Variants in BCL7C observed in about 807,000 individuals in gnomAD.
The protein encoded by BCL7C is BAF chromatin remodeling complex subunit BCL7C.
BCL7C carries 8 observed loss-of-function variants against 26.2 expected under a neutral mutation model. That is an observed-to-expected ratio of 0.30 (90% CI 0.18 to 0.55). The LOEUF is 0.55. Among genes scored for constraint, BCL7C ranks in the 20% least tolerant of loss-of-function variants. BCL7C has a pLI of 0.93. For synonymous variants in BCL7C, 90 were observed against 116.5 expected (o/e 0.77, Z 1.47); for missense variants, 262 against 298.5 (o/e 0.88, Z 0.90).
chr16:30,863,344 G>C (rs182952168), intron 5 of BCL7C, among the ~76,000 whole-genome samples: 1 of 152,144 alleles, frequency 6.6e-6, no homozygotes, highest in African/African-American at 2.4e-5. Context: ...TCTTGCAAGG[G>C]GACTATGCAT....
At chr16:30,869,085 C>A (rs561809634) in intron 5 of BCL7C, among the ~76,000 whole-genome samples, 1 of 151,758 alleles carries the variant, frequency 6.6e-6, no homozygotes, top group Non-Finnish European at 1.5e-5. Context: ...TGTGAGTCGA[C>A]AGTTATGGGA....
At chr16:30,879,907 G>A (rs1208395513) in intron 5 of BCL7C, among the ~76,000 whole-genome samples, 3 of 151,242 alleles carry the variant, frequency 2.0e-5, no homozygotes, top group Non-Finnish European at 2.9e-5. Context: ...GGAGAATTGC[G>A]TGAACCCGGG....
chr16:30,883,922 G>A (rs182331716), downstream of BCL7C, among the ~76,000 whole-genome samples: 124 of 145,062 alleles, frequency 8.5e-4, 5 homozygotes, highest in African/African-American at 2.8e-3. Flanking sequence ...TCAGGAGATC[G>A]AGACCATCCT....
intron 5 of BCL7C, among the ~76,000 whole-genome samples, chr16:30,844,283 G>A (rs959048930): frequency 2.7e-5 from 4 of 146,984 alleles, no homozygotes; most frequent in African/African-American, 1.0e-4. Context: ...CCAGGGGGCA[G>A]GGGTTGCAGT....
intron 5 of BCL7C, chr16:30,851,473 C>G (rs2054674018): frequency 4.6e-6 from 1 of 218,646 alleles, no homozygotes; most frequent in Non-Finnish European, 9.1e-6. Flanking sequence ...CTCCTGACCT[C>G]AAGTGATCCG....
rs560869895 is a variant in BCL7C, at chr16:30,838,875, C to T, written c.529-3727G>A. Among the ~76,000 whole-genome samples, 20 of 152,342 alleles carry T rather than the reference C, an allele frequency of 1.3e-4. No homozygotes were observed. In the East Asian group the frequency reaches 3.9e-3, roughly 29 times the overall value. ...TCTGGGTATTAATAATGCATTATAG[C>T]ATTTTCAGGAAGTTATAGCCATTTT... is the stretch of plus-strand genomic sequence containing the variant. On this transcript the variant is annotated intron_variant, in intron 5 of 5. Coordinates refer to the BCL7C transcript ENST00000380317.
At chr16:30,851,886 C>A in intron 5 of BCL7C, 1 of 224,354 alleles carries the variant, frequency 4.5e-6, no homozygotes, top group South Asian at 1.1e-4. Context: ...AGAAATGGTT[C>A]GTTGTTGTTG....
chr16:30,844,023 C>A (rs547723490), intron 5 of BCL7C, among the ~76,000 whole-genome samples: 1 of 103,468 alleles, frequency 9.7e-6, no homozygotes, highest in South Asian at 3.5e-4. Flanking sequence ...GCTTTGGCGA[C>A]AAAGCGAGAC....
chr16:30,858,820 G>A (rs765148337), intron 5 of BCL7C, among the ~76,000 whole-genome samples: 10 of 152,128 alleles, frequency 6.6e-5, no homozygotes, highest in Non-Finnish European at 1.5e-4. Flanking sequence ...TGAGTCTGAA[G>A]AGTAAAATGA....
chr16:30,889,512 C>CAA (rs1448494062), intron 4 of BCL7C, among the ~76,000 whole-genome samples: 1 of 152,070 alleles, frequency 6.6e-6, no homozygotes, highest in African/African-American at 2.4e-5. Flanking sequence ...GTTTTTGAGA[C>CAA]AGAGTCTCGC....
downstream of BCL7C, among the ~76,000 whole-genome samples, chr16:30,884,991 A>G (rs2055109325): frequency 6.6e-6 from 1 of 152,158 alleles, no homozygotes; most frequent in Non-Finnish European, 1.5e-5. Flanking sequence ...GGAGTGGTTG[A>G]GGGGAGTCAT....
chr16:30,867,945 T>C (rs1323561399), intron 5 of BCL7C, among the ~76,000 whole-genome samples: 1 of 152,086 alleles, frequency 6.6e-6, no homozygotes, highest in Non-Finnish European at 1.5e-5. Flanking sequence ...TGAAACAGAC[T>C]GTCCCCTAGA....
chr16:30,869,243 C>CT (rs1223131007), intron 5 of BCL7C, among the ~76,000 whole-genome samples: 2 of 152,138 alleles, frequency 1.3e-5, no homozygotes, highest in African/African-American at 4.8e-5. Context: ...GGGTCTCACT[C>CT]TGTCACCCAG....
intron 5 of BCL7C, among the ~76,000 whole-genome samples, chr16:30,845,733 T>C (rs1243153416): frequency 6.6e-6 from 1 of 152,050 alleles, no homozygotes. Context: ...TTTTTCTTTT[T>C]ATTGAGACAG....
chr16:30,888,812 C>A, intron 5 of BCL7C, 48 bp downstream of exon 5: 1 of 1,579,008 alleles, frequency 6.3e-7, no homozygotes, highest in South Asian at 1.1e-5. Flanking sequence ...TGCCCAGATC[C>A]CCCATTCCCT....
chr16:30,845,605 G>T (rs575757956), intron 5 of BCL7C, among the ~76,000 whole-genome samples: 1 of 152,332 alleles, frequency 6.6e-6, no homozygotes, highest in South Asian at 2.1e-4. Context: ...CCTTTCAAAT[G>T]ACATCTGGAT....
intron 4 of BCL7C, among the ~76,000 whole-genome samples, chr16:30,889,355 C>T (rs1190023397): frequency 1.3e-5 from 2 of 152,136 alleles, no homozygotes; most frequent in Admixed American, 6.6e-5. Flanking sequence ...AGGTAAAGCA[C>T]AGTGGCTGGC....
rs960578173 is a variant in BCL7C at position 30,852,616 on chromosome 16, T to C, written c.529-17468A>G. On this transcript the variant is annotated intron_variant, in intron 5 of 5. Coordinates refer to the BCL7C transcript ENST00000380317. ...AAGTGATTCTTCTGCCTCAGCCTCC[T>C]GAGTAGCTGGGATTACAGGCGCATG... Among the ~76,000 whole-genome samples the C allele has an allele frequency of 4.0e-5, 6 of 151,210 alleles. No homozygotes were observed. In the East Asian group the frequency reaches 5.9e-4, roughly 15 times the overall value.
rs1017015160 is a variant in BCL7C, at chr16:30,845,489, T to C, written c.529-10341A>G. Reference sequence around the variant, plus strand: ...TGCAGAGTGAGTTTCCTACAGTTCTTGGTTCCAACAGTGCTTGGTGGAATA... The same window carrying C: ...TGCAGAGTGAGTTTCCTACAGTTCTCGGTTCCAACAGTGCTTGGTGGAATA... On this transcript the variant is annotated intron_variant, in intron 5 of 5. Transcript: ENST00000380317. Among the ~76,000 whole-genome samples the C allele has an allele frequency of 5.9e-5, 9 of 152,264 alleles. No individual in the cohort carries two copies. In the East Asian group the frequency reaches 1.7e-3, roughly 29 times the overall value.
Sources: allele counts gnomAD v4.1 joint callset (sites outside exome capture counted in the v4.1 genomes callset), GRCh38; gene constraint gnomAD v4.1.1; transcripts MANE v1.5; gene names NCBI Gene and HGNC (gene_info 2026-07-23, HGNC 2026-07-21).